GRIK4: variants seen among roughly 807,000 people sequenced by gnomAD.
GRIK4 encodes glutamate receptor ionotropic, kainate 4.
GRIK4 carries 40 observed loss-of-function variants against 104.9 expected under a neutral mutation model. The ratio of observed to expected loss-of-function variants is 0.38; its 90% CI spans 0.30 to 0.50. The LOEUF (loss-of-function observed/expected upper bound fraction) is 0.50. Among genes scored for constraint, GRIK4 ranks in the 20% least tolerant of loss-of-function variants. The pLI, the probability that GRIK4 is intolerant of heterozygous loss-of-function variation, is 0.93. For synonymous variants in GRIK4, 485 were observed against 524.9 expected (o/e 0.92, Z 1.04); for missense variants, 1,047 against 1,308.1 (o/e 0.80, Z 3.08).
intron 13 of GRIK4, among the ~76,000 whole-genome samples, chr11:120,927,660 C>A (rs1943383127): frequency 6.6e-6 from 1 of 151,652 alleles, no homozygotes; most frequent in African/African-American, 2.4e-5. Flanking sequence ...GTAATATTTC[C>A]TTCAATTATG....
chr11:120,574,685 G>A (rs536091216), intron 1 of GRIK4, among the ~76,000 whole-genome samples: 19 of 152,306 alleles, frequency 1.2e-4, no homozygotes, highest in African/African-American at 4.6e-4. Context: ...CAGCTGGTAT[G>A]GAGTAGATGC....
intron 13 of GRIK4, among the ~76,000 whole-genome samples, chr11:120,912,171 C>T (rs528326157): frequency 6.6e-6 from 1 of 152,298 alleles, no homozygotes; most frequent in East Asian, 1.9e-4. Flanking sequence ...TCACCAGTTT[C>T]TGACTTGGAC....
chr11:120,803,729 C>T (rs1428045052), intron 4 of GRIK4, among the ~76,000 whole-genome samples: 6 of 152,322 alleles, frequency 3.9e-5, no homozygotes, highest in South Asian at 2.1e-4. Context: ...TGAGCCACTG[C>T]GCCCAGCCTA....
At chr11:120,654,660 G>A (rs1260228891) in intron 2 of GRIK4, among the ~76,000 whole-genome samples, 1 of 152,174 alleles carries the variant, frequency 6.6e-6, no homozygotes, top group Non-Finnish European at 1.5e-5. Flanking sequence ...ACCACACCTG[G>A]CCAGTATTTA....
At position 120,767,701 on chromosome 11, in the gene GRIK4, A is replaced by G. The variant is rs77514455; in HGVS notation, c.83-34992A>G. ...TTCAGGTCTTACATTTATGTCTTCT[A>G]TGCATTTCGAGTTTATTTTTGTGTG... is the stretch of plus-strand genomic sequence containing the variant. On this transcript the variant is annotated intron_variant, in intron 3 of 20. Transcript: ENST00000527524. Among the ~76,000 whole-genome samples, 1,309 of 152,254 alleles carry G rather than the reference A, an allele frequency of 8.6e-3. 10 individuals are homozygous for G. Among genetic ancestry groups the G allele is most frequent in the South Asian group, 0.039 (187 of 4,822 alleles).
rs537221355 is a variant in GRIK4, at chr11:120,821,825, T to C, written c.511+1905T>C. 1.5e-3 allele frequency among the ~76,000 whole-genome samples: 231 copies of C among 152,278 alleles called. 1 individual carries two copies. The highest frequency in any genetic ancestry group is 2.4e-3 in the Non-Finnish European group (161 of 68,002). ...GGGTGCTGGGCACCCTTACACTCTA[T>C]GTACGGCATAAGAGAGCAACACGCA... On this transcript the variant is annotated intron_variant, in intron 6 of 20. Coordinates refer to ENST00000527524, the MANE Select transcript of GRIK4 (RefSeq NM_014619.5).
intron 1 of GRIK4, among the ~76,000 whole-genome samples, chr11:120,649,756 C>G (rs1470616329): frequency 1.3e-5 from 2 of 152,216 alleles, no homozygotes; most frequent in East Asian, 3.8e-4. Flanking sequence ...TCCCAAACAC[C>G]CAGAGAGATG....
At chr11:120,738,552 C>T (rs1384073781) in intron 3 of GRIK4, among the ~76,000 whole-genome samples, 5 of 152,182 alleles carry the variant, frequency 3.3e-5, no homozygotes, top group African/African-American at 1.2e-4. Flanking sequence ...CACCCCCTAC[C>T]CACCCTGTCT....
intron 8 of GRIK4, among the ~76,000 whole-genome samples, chr11:120,842,448 G>T (rs1033180619): frequency 1.3e-5 from 2 of 152,214 alleles, no homozygotes; most frequent in African/African-American, 4.8e-5. Flanking sequence ...AGGTAGTCTA[G>T]CCATGTGCCC....
At chr11:120,528,263 C>T (rs1440342877) in intron 1 of GRIK4, among the ~76,000 whole-genome samples, 1 of 152,204 alleles carries the variant, frequency 6.6e-6, no homozygotes, top group African/African-American at 2.4e-5. Flanking sequence ...AGGTGCCCGC[C>T]ACCACGCCCG....
At chr11:120,888,771 CT>C (rs985888968) in intron 11 of GRIK4, among the ~76,000 whole-genome samples, 6 of 152,280 alleles carry the variant, frequency 3.9e-5, no homozygotes, top group African/African-American at 1.4e-4. Flanking sequence ...CAAGGTACCC[CT>C]GCTATGTGCA....
intron 13 of GRIK4, among the ~76,000 whole-genome samples, chr11:120,918,005 G>T (rs187616162): frequency 1.3e-5 from 2 of 152,350 alleles, no homozygotes; most frequent in South Asian, 2.1e-4. Context: ...AGGAAAGGAA[G>T]CTACAGACAA....
intron 3 of GRIK4, among the ~76,000 whole-genome samples, chr11:120,689,669 C>T (rs182339434): frequency 4.6e-5 from 7 of 152,306 alleles, no homozygotes; most frequent in Admixed American, 3.3e-4. Context: ...ACCCAGATCA[C>T]ATATCACCTC....
At position 120,520,291 on chromosome 11, in the gene GRIK4, C is replaced by T. The variant is rs569706505; in HGVS notation, c.-159+8404C>T. 3.3e-5 allele frequency among the ~76,000 whole-genome samples: 5 copies of T among 152,338 alleles called. No individual in the cohort carries two copies. The South Asian group carries it at 8.3e-4, about 25-fold the overall frequency. ...GCACCCTCAAGCCCCAGTCCCAGCC[C>T]GTCCAGCCATCAGCAGGCGCGGAGA... On this transcript the variant is annotated intron_variant, in intron 1 of 20. Transcript: ENST00000527524.
chr11:120,965,910 C>G (rs1176427054), intron 18 of GRIK4, among the ~76,000 whole-genome samples: 1 of 152,224 alleles, frequency 6.6e-6, no homozygotes, highest in Non-Finnish European at 1.5e-5. Context: ...GGTAGCCTTT[C>G]TCCTCTGGGG....
rs1954754652 is a variant in GRIK4, at chr11:120,875,358, G to A, written c.1164+115G>A. 7 of 714,064 alleles carry A rather than the reference G, an allele frequency of 9.8e-6. No individual in the cohort carries two copies. The Admixed American group carries it at 1.4e-4, about 15-fold the overall frequency. The allele number at this position is 714,064 out of a possible 1,614,324, so 44.2% of individuals were successfully genotyped here. On this transcript the variant is annotated intron_variant, in intron 11 of 20. Coordinates refer to ENST00000527524, the MANE Select transcript of GRIK4 (RefSeq NM_014619.5). Reference sequence around the variant, plus strand: ...AGTTATCCCCAACAGCAGCAGGCTGGATCCTGGGCAAGGCTCCTGACCTGC... The same window carrying A: ...AGTTATCCCCAACAGCAGCAGGCTGAATCCTGGGCAAGGCTCCTGACCTGC...
chr11:120,837,741 G>C (rs1041592029), intron 8 of GRIK4, among the ~76,000 whole-genome samples: 6 of 151,802 alleles, frequency 4.0e-5, no homozygotes, highest in African/African-American at 1.5e-4. Context: ...TGTAAAAAGG[G>C]AGAAAAGGAT....
chr11:120,973,066 G>A lies in GRIK4; in HGVS notation c.2395+5743G>A, dbSNP rs181624018. On this transcript the variant is annotated intron_variant, in intron 19 of 20. Coordinates refer to ENST00000527524, the MANE Select transcript of GRIK4 (RefSeq NM_014619.5). ...TGAAATACATCCCGGGAAGAAGAGGGAATGGAGAAGACACTGGATTTAAGT... is the reference window on the plus strand; with the variant it reads ...TGAAATACATCCCGGGAAGAAGAGGAAATGGAGAAGACACTGGATTTAAGT... Among the ~76,000 whole-genome samples, 277 of 152,250 alleles carry A rather than the reference G, an allele frequency of 1.8e-3. 3 individuals are homozygous for A. The highest frequency in any genetic ancestry group is 1.5e-3 in the East Asian group (8 of 5,184).
At chr11:120,523,275 A>G (rs1947817095) in intron 1 of GRIK4, among the ~76,000 whole-genome samples, 1 of 151,656 alleles carries the variant, frequency 6.6e-6, no homozygotes. Flanking sequence ...GAGATCTGCC[A>G]GGTGGGGTGC....
Sources: allele counts gnomAD v4.1 joint callset (sites outside exome capture counted in the v4.1 genomes callset), GRCh38; gene constraint gnomAD v4.1.1; transcripts MANE v1.5; gene names NCBI Gene and HGNC (gene_info 2026-07-23, HGNC 2026-07-21).